PRSS12: variants seen among roughly 807,000 people sequenced by gnomAD.
PRSS12 encodes serine protease 12.
Under a neutral mutation model 104.4 loss-of-function variants are expected in PRSS12, and 85 were observed. The ratio of observed to expected loss-of-function variants is 0.81; its 90% CI spans 0.68 to 0.98. The LOEUF is 0.98. Ranked by LOEUF, PRSS12 falls within the 50% of genes least tolerant of loss-of-function variation. The pLI is 0.00. For missense variants in PRSS12, 1,141 were observed against 1,139.2 expected (o/e 1.00, Z -0.02); for synonymous variants, 454 against 425.2 (o/e 1.07, Z -0.83).
chr4:118,324,641 G>A (rs909554344), intron 4 of PRSS12, among the ~76,000 whole-genome samples: 6 of 152,022 alleles, frequency 3.9e-5, no homozygotes, highest in African/African-American at 1.4e-4. Context: ...TTGACTCTGG[G>A]GATGCTATGT....
rs776809807 is a variant in PRSS12, at chr4:118,352,406, G to A, written c.315C>T (p.Phe105=). 1.3e-6 allele frequency: 2 copies of A among 1,538,360 alleles called. No individual in the cohort carries two copies. Among genetic ancestry groups the A allele is most frequent in the South Asian group, 1.2e-5 (1 of 83,436 alleles). ...AGEPWVSVTD[F]GAPCLRWAEV... is the part of the protein sequence containing the mutation. ...CCGCCCACCGCAGACACGGGGCGCCGAAGTCCGTCACGCTGACCCATGGCT... is the reference window on the plus strand; with the variant it reads ...CCGCCCACCGCAGACACGGGGCGCCAAAGTCCGTCACGCTGACCCATGGCT... Residue 105 remains phenylalanine, a synonymous_variant, in exon 1 of 13, where the codon TTC becomes TTT. Transcript: ENST00000296498.
rs201662756 is a variant in PRSS12, at chr4:118,338,574, A to AT, written c.503-261dup. Among the ~76,000 whole-genome samples, 4 of 152,048 alleles carry AT rather than the reference A, an allele frequency of 2.6e-5. No homozygotes were observed. The East Asian group carries it at 7.7e-4, about 29-fold the overall frequency. Reference sequence around the variant, plus strand: ...TAGGCAAACAGACAGTCCTATTATAATTTTTTTCTTTATTCCAATATCTCC... The same window carrying AT: ...TAGGCAAACAGACAGTCCTATTATAATTTTTTTTCTTTATTCCAATATCTCC... On this transcript the variant is annotated intron_variant, in intron 1 of 12. Coordinates refer to ENST00000296498, the MANE Select transcript of PRSS12 (RefSeq NM_003619.4).
Position 118,352,574 on chromosome 4 carries a change from G to C in PRSS12, c.147C>G (p.Thr49=), listed in dbSNP as rs747945604. Residue 49 remains threonine (T), a synonymous_variant, in exon 1 of 13, where the codon ACC becomes ACG. Coordinates refer to ENST00000296498, the MANE Select transcript of PRSS12 (RefSeq NM_003619.4). ...GACGCGTCCTCGGGGGCCGCTGCTG[G>C]GTGGGAAGGTAATAGGGGTAGTGCG... ...AGPHYPYYLP[T]QQRPPRTRPP... is the part of the protein sequence containing the mutation. The C allele has an allele frequency of 1.9e-6, 3 of 1,575,274 alleles. No individual in the cohort carries two copies. Among genetic ancestry groups the C allele is most frequent in the Non-Finnish European group, 2.6e-6 (3 of 1,161,648 alleles).
In PRSS12 at chr4:118,299,754, A is replaced by AT. The variant is rs1182821287; in HGVS notation, c.1632-817dup. On this transcript the variant is annotated intron_variant, in intron 8 of 12. Transcript: ENST00000296498. The stretch of plus-strand genomic sequence containing the variant: ...AATAAAATAAAATAAAATAAATAAA[A>AT]TAAATAAAATTAAATAAAATAAAAT... Among the ~76,000 whole-genome samples, 234 of 47,258 alleles carry AT rather than the reference A, an allele frequency of 5.0e-3. 3 individuals are homozygous for AT. The highest frequency in any genetic ancestry group is 0.012 in the African/African-American group (219 of 17,658). 31.0% of individuals were successfully genotyped at this position (47,258 alleles called of 152,430 possible).
In PRSS12 at chr4:118,294,267, T is replaced by C. The variant is rs111308122; in HGVS notation, c.2039+672A>G. On this transcript the variant is annotated intron_variant, in intron 11 of 12. Coordinates refer to ENST00000296498, the MANE Select transcript of PRSS12 (RefSeq NM_003619.4). Reference sequence around the variant, plus strand: ...ATAATTATCAATATTTTGACAAGCATTGGTATACATATTTAAATACCAAAA... The same window carrying C: ...ATAATTATCAATATTTTGACAAGCACTGGTATACATATTTAAATACCAAAA... Among the ~76,000 whole-genome samples the C allele has an allele frequency of 7.1e-3, 1,084 of 152,330 alleles. 17 individuals carry two copies. Among genetic ancestry groups the C allele is most frequent in the African/African-American group, 0.024 (994 of 41,570 alleles).
In PRSS12 at chr4:118,280,404, AG is replaced by A; in HGVS notation, c.*1531del. 1 of 152,368 alleles carries A rather than the reference AG, an allele frequency of 6.6e-6. No homozygotes were observed. Among genetic ancestry groups the A allele is most frequent in the African/African-American group, 2.4e-5 (1 of 41,596 alleles). The allele number at this position is 152,368 out of a possible 1,614,324, so 9.4% of individuals were successfully genotyped here. On this transcript the variant is annotated 3_prime_UTR_variant, in exon 13 of 13. Coordinates refer to ENST00000296498, the MANE Select transcript of PRSS12 (RefSeq NM_003619.4). ...TATCAAAATCATGAGTTTTTACAAAAGTTTTTAATGCTCTTCTGCATTATAT... is the reference window on the plus strand; with the variant it reads ...TATCAAAATCATGAGTTTTTACAAAATTTTTAATGCTCTTCTGCATTATAT...
Position 118,313,267 on chromosome 4 carries a change from A to G in PRSS12, c.1423T>C (p.Cys475Arg), listed in dbSNP as rs1298448272. 1 of 1,613,952 alleles carries G rather than the reference A, an allele frequency of 6.2e-7. No individual in the cohort carries two copies. Among genetic ancestry groups the G allele is most frequent in the African/African-American group, 1.3e-5 (1 of 74,902 alleles). ...ATGCTAACATCTTCGCGGTGGCTGCAGTCATGCCTTCCCCACTGTCGCCTG... is the reference window on the plus strand; with the variant it reads ...ATGCTAACATCTTCGCGGTGGCTGCGGTCATGCCTTCCCCACTGTCGCCTG... ...CSRRQWGRHD[C>R]SHREDVSIAC... Residue 475 changes from cysteine to arginine, a missense_variant, in exon 7 of 13, where the codon TGC becomes CGC. Transcript: ENST00000296498.
chr4:118,285,408 AC>A (rs1391580822), intron 11 of PRSS12, among the ~76,000 whole-genome samples: 4 of 152,214 alleles, frequency 2.6e-5, no homozygotes, highest in African/African-American at 7.2e-5. Context: ...TATTAACAGT[AC>A]ATTCACATAT....
chr4:118,314,499 G>A lies in PRSS12; in HGVS notation c.1293-1102C>T, dbSNP rs999328473. On this transcript the variant is annotated intron_variant, in intron 6 of 12. Transcript: ENST00000296498. ...TTTAACTTATAGACCATTTTTTCAC[G>A]AAATACATTAGATTATCATCTGTCC... 7.1e-4 allele frequency among the ~76,000 whole-genome samples: 107 copies of A among 151,760 alleles called. 1 individual carries two copies. The highest frequency in any genetic ancestry group is 2.4e-4 in the Non-Finnish European group (16 of 67,944).
chr4:118,322,710 A>G (rs1723667104), intron 4 of PRSS12, among the ~76,000 whole-genome samples: 1 of 151,962 alleles, frequency 6.6e-6, no homozygotes, highest in Admixed American at 6.6e-5. Flanking sequence ...GAAAATACTA[A>G]TATTGGTTGA....
chr4:118,321,211 T>C (rs1723606952), intron 4 of PRSS12, among the ~76,000 whole-genome samples: 1 of 152,214 alleles, frequency 6.6e-6, no homozygotes, highest in Non-Finnish European at 1.5e-5. Context: ...GGAAATGTAA[T>C]GACAAAACAG....
chr4:118,326,024 T>G (rs1242564354), intron 4 of PRSS12, among the ~76,000 whole-genome samples: 1 of 152,184 alleles, frequency 6.6e-6, no homozygotes, highest in Non-Finnish European at 1.5e-5. Context: ...TTTGCTTTTG[T>G]TTCCCCCTTA....
intron 3 of PRSS12, among the ~76,000 whole-genome samples, chr4:118,333,879 T>C (rs1723989147): frequency 6.6e-6 from 1 of 152,208 alleles, no homozygotes; most frequent in African/African-American, 2.4e-5. Context: ...CAAAACTCAT[T>C]TGAAAGAAAA....
At chr4:118,316,838 ATAT>A (rs1182968903) in intron 5 of PRSS12, among the ~76,000 whole-genome samples, 1 of 21,148 alleles carries the variant, frequency 4.7e-5, no homozygotes, top group Non-Finnish European at 1.3e-4. Context: ...AAAAAAAAAA[ATAT>A]ATATATATAT....
chr4:118,288,948 C>T (rs1481812483), intron 11 of PRSS12, among the ~76,000 whole-genome samples: 2 of 152,184 alleles, frequency 1.3e-5, no homozygotes, highest in Non-Finnish European at 2.9e-5. Context: ...CCAACTACTT[C>T]AGGTGCGCTT....
intron 1 of PRSS12, among the ~76,000 whole-genome samples, chr4:118,351,875 A>C (rs962586814): frequency 2.6e-5 from 4 of 152,116 alleles, no homozygotes; most frequent in African/African-American, 7.2e-5. Context: ...AACGTAAGCT[A>C]ATCTAGAGAA....
intron 9 of PRSS12, among the ~76,000 whole-genome samples, chr4:118,297,934 T>C (rs1743291481): frequency 6.6e-6 from 1 of 152,026 alleles, no homozygotes; most frequent in South Asian, 2.1e-4. Context: ...GGTCAGGAGT[T>C]CTAGACCAGC....
Position 118,298,866 on chromosome 4 carries a change from C to T in PRSS12, c.1704G>A (p.Lys568=), listed in dbSNP as rs753721877. The stretch of plus-strand genomic sequence containing the variant: ...CCAAGGACCTCTCATTTCCTGTGCA[C>T]TTCACATTATCCACATGGATGGGTC... ...GKGPIHVDNV[K]CTGNERSLAD... Residue 568 remains lysine, a synonymous_variant, in exon 9 of 13, where the codon AAG becomes AAA. Coordinates refer to ENST00000296498, the MANE Select transcript of PRSS12 (RefSeq NM_003619.4). The T allele has an allele frequency of 1.2e-6, 2 of 1,614,184 alleles. No homozygotes were observed. The highest frequency in any genetic ancestry group is 1.7e-6 in the Non-Finnish European group (2 of 1,180,030).
In PRSS12 at chr4:118,318,526, A is replaced by T. The variant is rs772738158; in HGVS notation, c.1002T>A (p.Tyr334Ter). Residue 334 changes from tyrosine to a stop codon, truncating the protein, a stop_gained, in exon 5 of 13, where the codon TAT becomes TAA. Coordinates refer to ENST00000296498, the MANE Select transcript of PRSS12 (RefSeq NM_003619.4). LOFTEE classifies it high-confidence loss of function. ...TAACTGGGCCAGACCCTTCCCCAAA[A>T]TATGCCTGATGCCATGCTTTGGCAA... ...SGIAKAWHQA[Y>*]FGEGSGPVML... The T allele has an allele frequency of 3.1e-6, 5 of 1,614,150 alleles. No individual in the cohort carries two copies. Among genetic ancestry groups the T allele is most frequent in the Non-Finnish European group, 4.2e-6 (5 of 1,180,008 alleles).
Sources: gnomAD v4.1 joint callset for allele counts (sites outside exome capture counted in the v4.1 genomes callset) on GRCh38, gnomAD v4.1.1 for gene constraint, MANE v1.5 for transcripts, NCBI Gene and HGNC (gene_info 2026-07-23, HGNC 2026-07-21) for gene names.